MYO5A: variants seen among roughly 807,000 people sequenced by gnomAD.
MYO5A encodes myosin VA.
MYO5A carries 98 observed loss-of-function variants against 249.7 expected under a neutral mutation model. The ratio of observed to expected loss-of-function variants is 0.39; its 90% CI spans 0.33 to 0.46. MYO5A has a LOEUF of 0.46. Ranked by LOEUF, MYO5A falls within the 20% of genes least tolerant of loss-of-function variation. The pLI is 0.98. For synonymous variants in MYO5A, 778 were observed against 810.6 expected (o/e 0.96, Z 0.68); for missense variants, 1,696 against 2,308.8 (o/e 0.73, Z 5.44).
chr15:52,432,851 TAAAAACACTAC>T (rs2075571931), intron 2 of MYO5A, among the ~76,000 whole-genome samples: 1 of 152,168 alleles, frequency 6.6e-6, no homozygotes, highest in Non-Finnish European at 1.5e-5. Context: ...TGCCTCTTTT[TAAAAACACTAC>T]AAGCACTCCC....
chr15:52,372,875 C>T (rs1004261657), intron 20 of MYO5A, among the ~76,000 whole-genome samples: 1 of 152,062 alleles, frequency 6.6e-6, no homozygotes, highest in Non-Finnish European at 1.5e-5. Context: ...TAGGCCCGTG[C>T]ATGAGGACAC....
intron 31 of MYO5A, among the ~76,000 whole-genome samples, chr15:52,341,712 C>T (rs2039391406): frequency 7.0e-6 from 1 of 142,582 alleles, no homozygotes. Context: ...CAATAACACC[C>T]CAAAGTTAAT....
chr15:52,348,675 C>G (rs1371148026), intron 29 of MYO5A, 143 bp downstream of exon 29: 1 of 750,506 alleles, frequency 1.3e-6, no homozygotes, highest in African/African-American at 1.8e-5. Context: ...CAGAAGGAGT[C>G]AAATCGGAAA....
chr15:52,366,649 A>T (rs2141070823), intron 23 of MYO5A, among the ~76,000 whole-genome samples: 1 of 148,842 alleles, frequency 6.7e-6, no homozygotes, highest in East Asian at 1.9e-4. Context: ...AAAAAAAAAA[A>T]AAGACAATAC....
chr15:52,338,423 T>C (rs772516559), intron 32 of MYO5A, among the ~76,000 whole-genome samples: 13 of 152,076 alleles, frequency 8.5e-5, no homozygotes, highest in Non-Finnish European at 1.6e-4. Context: ...ATCATTTTTG[T>C]GTTTTGTGTT....
At chr15:52,345,448 G>A (rs531216218) in intron 30 of MYO5A, among the ~76,000 whole-genome samples, 10 of 152,086 alleles carry the variant, frequency 6.6e-5, no homozygotes, top group African/African-American at 2.4e-4. Flanking sequence ...AGTCGGGTGT[G>A]GTGGTGGGCA....
chr15:52,324,813 C>T (rs1403681214), intron 36 of MYO5A, among the ~76,000 whole-genome samples: 1 of 151,652 alleles, frequency 6.6e-6, no homozygotes, highest in Non-Finnish European at 1.5e-5. Context: ...AGAATATTCC[C>T]CTAAAAAGAC....
intron 1 of MYO5A, among the ~76,000 whole-genome samples, chr15:52,495,462 T>C (rs1260094909): frequency 6.6e-6 from 1 of 151,704 alleles, no homozygotes; most frequent in Non-Finnish European, 1.5e-5. Context: ...GAAGAGTAAG[T>C]TCCAGAGATC....
upstream of MYO5A, chr15:52,529,044 C>T (rs1464752006): frequency 1.3e-5 from 3 of 236,592 alleles, no homozygotes; most frequent in African/African-American, 6.9e-5. Context: ...CTCCACCTGC[C>T]CGGGGTCCTA....
chr15:52,363,189 A>G lies in MYO5A; in HGVS notation c.3309+1365T>C, dbSNP rs181489988. On this transcript the variant is annotated intron_variant, in intron 24 of 41. Transcript: ENST00000399233. ...TAAATAGAGTGAACAAAAACACACC[A>G]AAGAATGGAACTGGGGAACATGAAC... is the stretch of plus-strand genomic sequence containing the variant. Among the ~76,000 whole-genome samples, 9 of 152,334 alleles carry G rather than the reference A, an allele frequency of 5.9e-5. 1 individual carries two copies. The highest frequency in any genetic ancestry group is 2.2e-4 in the African/African-American group (9 of 41,586).
intron 1 of MYO5A, among the ~76,000 whole-genome samples, chr15:52,475,368 T>G (rs1012252004): frequency 3.9e-5 from 6 of 152,184 alleles, no homozygotes; most frequent in African/African-American, 1.4e-4. Context: ...TTTGAAGGGT[T>G]TTTTGTGTCT....
intron 1 of MYO5A, among the ~76,000 whole-genome samples, chr15:52,451,940 T>C (rs369184928): frequency 1.1e-4 from 16 of 152,332 alleles, no homozygotes; most frequent in African/African-American, 3.4e-4. Context: ...CAGCCCAACA[T>C]AGTGTCTGAT....
intron 4 of MYO5A, among the ~76,000 whole-genome samples, chr15:52,418,174 T>G (rs1343612515): frequency 6.6e-6 from 1 of 152,020 alleles, no homozygotes; most frequent in Non-Finnish European, 1.5e-5. Flanking sequence ...GAAAATGGAG[T>G]AATGACAGAT....
intron 4 of MYO5A, among the ~76,000 whole-genome samples, chr15:52,419,263 C>T (rs2043673207): frequency 6.6e-6 from 1 of 152,232 alleles, no homozygotes; most frequent in South Asian, 2.1e-4. Context: ...TTGCAGGCAA[C>T]CAATCTAATT....
chr15:52,314,278 A>T, intron 40 of MYO5A, 75 bp from the exon 41 acceptor site: 1 of 1,111,652 alleles, frequency 9.0e-7, no homozygotes, highest in Non-Finnish European at 1.4e-6. Context: ...CTGGAAAATT[A>T]AAAGGATCTG....
At chr15:52,468,382 G>A (rs1173965928) in intron 1 of MYO5A, among the ~76,000 whole-genome samples, 1 of 152,210 alleles carries the variant, frequency 6.6e-6, no homozygotes, top group Admixed American at 6.5e-5. Context: ...ATTAGGCCAG[G>A]TACAATGGCT....
intron 1 of MYO5A, among the ~76,000 whole-genome samples, chr15:52,482,837 T>C (rs2076742405): frequency 6.6e-6 from 1 of 152,190 alleles, no homozygotes; most frequent in Non-Finnish European, 1.5e-5. Flanking sequence ...CTCTATCCCC[T>C]GATGCCCCTG....
intron 1 of MYO5A, among the ~76,000 whole-genome samples, chr15:52,438,752 G>C (rs1595685046): frequency 6.6e-6 from 1 of 152,244 alleles, no homozygotes; most frequent in Non-Finnish European, 1.5e-5. Context: ...TACCCTCTTT[G>C]GGTCCCCTCC....
chr15:52,458,386 G>A (rs1263193017), intron 1 of MYO5A, among the ~76,000 whole-genome samples: 1 of 152,092 alleles, frequency 6.6e-6, no homozygotes, highest in African/African-American at 2.4e-5. Context: ...GACCAGCCTG[G>A]GCTGGTGACA....
Sources: allele counts gnomAD v4.1 joint callset (sites outside exome capture counted in the v4.1 genomes callset), GRCh38; gene constraint gnomAD v4.1.1; transcripts MANE v1.5; gene names NCBI Gene and HGNC (gene_info 2026-07-23, HGNC 2026-07-21).